BBS2: variants seen among roughly 807,000 people sequenced by gnomAD.
BBS2 encodes Bardet-Biedl syndrome 2.
Under a neutral mutation model 83.0 loss-of-function variants are expected in BBS2, and 62 were observed. That is an observed-to-expected ratio of 0.75 (90% CI 0.61 to 0.92). The LOEUF is 0.92. BBS2 is among the 40% of genes least tolerant of loss of function. The pLI is 0.00. For synonymous variants in BBS2, 303 were observed against 326.1 expected (o/e 0.93, Z 0.76); for missense variants, 784 against 901.0 (o/e 0.87, Z 1.66).
intron 15 of BBS2, among the ~76,000 whole-genome samples, 185 bp downstream of exon 15, chr16:56,496,782 T>C (rs1237943575): frequency 1.3e-5 from 2 of 152,256 alleles, no homozygotes; most frequent in African/African-American, 4.8e-5. Context: ...TTCCCTAAGC[T>C]ATAAACCAGG....
At chr16:56,478,699 C>T (rs999835782) in intron 17 of BBS2, 2 of 152,200 alleles carry the variant, frequency 1.3e-5, no homozygotes, top group South Asian at 4.1e-4. Flanking sequence ...CTTAGAATAC[C>T]TCACAAGTGT....
At position 56,470,646 on chromosome 16, in the gene BBS2, A is replaced by G. The variant is rs779342820; in HGVS notation, c.*50T>C. On this transcript the variant is annotated 3_prime_UTR_variant, in exon 18 of 18. Transcript: ENST00000682047. ...AAGAAGATGAGATGAATGATAAAAA[A>G]GAGGCAGAAACCACTGATATCACTG... 1.9e-5 allele frequency: 31 copies of G among 1,614,104 alleles called. No homozygotes were observed. In the East Asian group the frequency reaches 6.9e-4, roughly 36 times the overall value.
chr16:56,472,111 G>A (rs2144041353), intron 17 of BBS2, among the ~76,000 whole-genome samples: 1 of 152,022 alleles, frequency 6.6e-6, no homozygotes, highest in East Asian at 1.9e-4. Context: ...ACAGGCATAT[G>A]CCACCACACC....
Position 56,519,903 on chromosome 16 carries a change from C to CT in BBS2, c.-42_-41insA, listed in dbSNP as rs1276963926. 54 of 1,549,932 alleles carry CT rather than the reference C, an allele frequency of 3.5e-5. No homozygotes were observed. Among genetic ancestry groups the CT allele is most frequent in the Non-Finnish European group, 4.7e-5 (53 of 1,122,932 alleles). ...GGGGAGGAGGGCTGGAAGCTGGAGA[C>CT]AAGCGCAGCGGAGCTGGCCTCACGC... On this transcript the variant is annotated 5_prime_UTR_variant, in exon 1 of 17. Coordinates refer to ENST00000245157, the MANE Select transcript of BBS2 (RefSeq NM_031885.5).
intron 5 of BBS2, among the ~76,000 whole-genome samples, 188 bp from the exon 6 acceptor site, chr16:56,506,412 A>G (rs1268936995): frequency 1.3e-5 from 2 of 152,222 alleles, no homozygotes; most frequent in Non-Finnish European, 2.9e-5. Context: ...TCAGAGTTGT[A>G]TAATCAGATT....
At chr16:56,475,078 C>CA in intron 17 of BBS2, 1 of 946,108 alleles carries the variant, frequency 1.1e-6, no homozygotes, top group Non-Finnish European at 1.6e-6. Context: ...CATGGGATCT[C>CA]AAAGTCAAAG....
chr16:56,478,314 A>C (rs1234331655), intron 17 of BBS2: 5 of 152,138 alleles, frequency 3.3e-5, no homozygotes. Context: ...ACCTGCCTCC[A>C]TACCCAGCTA....
rs117254091 is a variant in BBS2 at position 56,488,540 on chromosome 16, C to T, written c.1911-2802G>A. Among the ~76,000 whole-genome samples, 472 of 152,048 alleles carry T rather than the reference C, an allele frequency of 3.1e-3. 13 individuals are homozygous for T. The South Asian group carries it at 0.057, about 18-fold the overall frequency. Reference sequence around the variant, plus strand: ...GCATAGAACGAAGTATTAGGGAAGGCGCTTGGAGCTTCCATGCCCTCCCTA... The same window carrying T: ...GCATAGAACGAAGTATTAGGGAAGGTGCTTGGAGCTTCCATGCCCTCCCTA... On this transcript the variant is annotated intron_variant, in intron 15 of 16. Transcript: ENST00000245157.
intron 15 of BBS2, among the ~76,000 whole-genome samples, chr16:56,486,126 CA>C (rs1313855443): frequency 1.3e-5 from 2 of 152,090 alleles, no homozygotes; most frequent in Admixed American, 6.6e-5. Flanking sequence ...AGGTTTAAAA[CA>C]AAGTCATAAA....
chr16:56,490,852 C>T lies in BBS2; in HGVS notation c.1911-5114G>A, dbSNP rs561457345. On this transcript the variant is annotated intron_variant, in intron 15 of 16. Transcript: ENST00000245157. ...TCTCAGCTCACTGCAACCTCCGCCT[C>T]CCGGGTTCACACCATTCTCCCGCCT... 5.5e-4 allele frequency among the ~76,000 whole-genome samples: 84 copies of T among 151,752 alleles called. 1 individual carries two copies. The highest frequency in any genetic ancestry group is 1.1e-3 in the Non-Finnish European group (76 of 67,922).
intron 7 of BBS2, among the ~76,000 whole-genome samples, chr16:56,504,295 C>G (rs1964365003): frequency 6.6e-6 from 1 of 152,194 alleles, no homozygotes; most frequent in Non-Finnish European, 1.5e-5. Context: ...GCCTAGCTAC[C>G]TAATGGCTTC....
intron 12 of BBS2, chr16:56,498,833 C>T (rs1184532292): frequency 2.7e-6 from 2 of 747,142 alleles, no homozygotes. Context: ...CCACAGCAGA[C>T]ATGATTTCAT....
intron 2 of BBS2, 76 bp from the exon 3 acceptor site, chr16:56,511,360 A>G: frequency 6.3e-7 from 1 of 1,591,006 alleles, no homozygotes; most frequent in Non-Finnish European, 8.6e-7. Flanking sequence ...CCAAATTTTG[A>G]GTAAACTGAG....
rs1375309270 is a variant in BBS2, at chr16:56,506,184, C to T, written c.653G>A (p.Gly218Asp). Residue 218 changes from glycine (G) to aspartate (D), a missense_variant, in exon 6 of 17, where the codon GGT (glycine) becomes GAT (aspartate). Coordinates refer to ENST00000245157, the MANE Select transcript of BBS2 (RefSeq NM_031885.5). ...SLCPMYGSRFGYALSNGTVGV... is the reference protein window; with the variant it reads ...SLCPMYGSRFDYALSNGTVGV... ...AACTGTGCCATTGGAAAGGGCATAACCAAATCGACTGCCATACATGGGACA... is the reference window on the plus strand; with the variant it reads ...AACTGTGCCATTGGAAAGGGCATAATCAAATCGACTGCCATACATGGGACA... 5.6e-6 allele frequency: 9 copies of T among 1,613,894 alleles called. No homozygotes were observed. The highest frequency in any genetic ancestry group is 7.6e-6 in the Non-Finnish European group (9 of 1,179,956).
intron 17 of BBS2, chr16:56,474,764 T>C: frequency 4.4e-6 from 6 of 1,375,348 alleles, no homozygotes; most frequent in Non-Finnish European, 6.0e-6. Flanking sequence ...TATGATTCCC[T>C]TGCAATCCAA....
intron 15 of BBS2, among the ~76,000 whole-genome samples, chr16:56,487,511 A>C (rs1300616191): frequency 1.3e-5 from 2 of 152,204 alleles, no homozygotes; most frequent in Non-Finnish European, 2.9e-5. Context: ...TTGTCTAAAA[A>C]TACAGAAAAT....
Position 56,502,492 on chromosome 16 carries a change from T to A in BBS2, c.941-36A>T, listed in dbSNP as rs765286031. On this transcript the variant is annotated intron_variant, in intron 8 of 16. Coordinates refer to ENST00000245157, the MANE Select transcript of BBS2 (RefSeq NM_031885.5). ...GGAAAAAACCGCAAGTATAACCAGG[T>A]ATACTTTTAGGTCATCAATTACCTG... 6.2e-6 allele frequency: 10 copies of A among 1,613,908 alleles called. No homozygotes were observed. The Admixed American group carries it at 1.0e-4, about 16-fold the overall frequency.
chr16:56,474,997 C>T, intron 17 of BBS2: 1 of 1,601,050 alleles, frequency 6.2e-7, no homozygotes, highest in Non-Finnish European at 8.5e-7. Flanking sequence ...GTAGGAGGGG[C>T]AGTCTCTTCT....
At chr16:56,476,150 A>G (rs1478351356) in intron 17 of BBS2, 1 of 1,613,670 alleles carries the variant, frequency 6.2e-7, no homozygotes, top group African/African-American at 1.3e-5. Context: ...GAACAAAAGA[A>G]AACCTTCCCA....
Sources: allele counts gnomAD v4.1 joint callset (sites outside exome capture counted in the v4.1 genomes callset), GRCh38; gene constraint gnomAD v4.1.1; transcripts MANE v1.5; gene names NCBI Gene and HGNC (gene_info 2026-07-23, HGNC 2026-07-21).